Variants in ATP8A2 observed in about 807,000 individuals in gnomAD.
The protein encoded by ATP8A2 is phospholipid-transporting ATPase IB.
Under a neutral mutation model 165.6 loss-of-function variants are expected in ATP8A2, and 100 were observed. That is an observed-to-expected ratio of 0.60 (90% CI 0.51 to 0.71). ATP8A2 has a LOEUF of 0.71. ATP8A2 is among the 30% of genes least tolerant of loss of function. ATP8A2 has a pLI of 0.00. For missense variants in ATP8A2, 1,227 were observed against 1,479.5 expected (o/e 0.83, Z 2.80); for synonymous variants, 543 against 548.8 (o/e 0.99, Z 0.15).
chr13:25,552,573 T>TA (rs1457917575), intron 11 of ATP8A2, among the ~76,000 whole-genome samples: 2 of 152,214 alleles, frequency 1.3e-5, no homozygotes, highest in Non-Finnish European at 2.9e-5. Flanking sequence ...GGATTTTAAT[T>TA]ACTGTCTGGT....
intron 25 of ATP8A2, among the ~76,000 whole-genome samples, chr13:25,712,593 CATAAGGG>C (rs1469172544): frequency 6.6e-6 from 1 of 152,114 alleles, no homozygotes; most frequent in Non-Finnish European, 1.5e-5. Flanking sequence ...TTGCTGAAAC[CATAAGGG>C]ACTAGATGAT....
At chr13:25,769,724 T>C (rs1359277419) in intron 26 of ATP8A2, among the ~76,000 whole-genome samples, 5 of 152,118 alleles carry the variant, frequency 3.3e-5, no homozygotes, top group African/African-American at 1.2e-4. Context: ...TCTGTAGTTA[T>C]GAGAGGGGTG....
At chr13:25,871,921 T>C (rs185197041) in intron 33 of ATP8A2, among the ~76,000 whole-genome samples, 53 of 152,312 alleles carry the variant, frequency 3.5e-4, no homozygotes, top group African/African-American at 1.3e-3. Flanking sequence ...TATTTAAATG[T>C]GCAGAGTGCT....
At chr13:25,801,444 A>G (rs1311365444) in intron 27 of ATP8A2, among the ~76,000 whole-genome samples, 34 of 152,140 alleles carry the variant, frequency 2.2e-4, no homozygotes, top group Admixed American at 2.2e-3. Context: ...TCATACAGGT[A>G]AATGTGAGCC....
chr13:25,425,143 C>T (rs2034408291), intron 1 of ATP8A2, among the ~76,000 whole-genome samples: 1 of 152,180 alleles, frequency 6.6e-6, no homozygotes, highest in Non-Finnish European at 1.5e-5. Flanking sequence ...CTGAAGTACA[C>T]ACCCTGAAAT....
intron 35 of ATP8A2, among the ~76,000 whole-genome samples, chr13:26,005,601 G>C (rs1419689260): frequency 6.6e-6 from 1 of 151,784 alleles, no homozygotes; most frequent in Admixed American, 6.6e-5. Flanking sequence ...GATTGCTTTT[G>C]CTGCAACCCA....
At chr13:25,669,226 T>A (rs762152268) in intron 24 of ATP8A2, among the ~76,000 whole-genome samples, 9 of 152,182 alleles carry the variant, frequency 5.9e-5, no homozygotes, top group Non-Finnish European at 1.0e-4. Flanking sequence ...CTGCCATCTG[T>A]TTAGTGATTT....
intron 24 of ATP8A2, among the ~76,000 whole-genome samples, chr13:25,633,150 G>A (rs2041285535): frequency 6.6e-6 from 1 of 152,168 alleles, no homozygotes; most frequent in South Asian, 2.1e-4. Flanking sequence ...TGAGCTTGGT[G>A]ATATCCTTTA....
chr13:25,822,724 T>G (rs1951213669), intron 27 of ATP8A2, among the ~76,000 whole-genome samples: 1 of 152,160 alleles, frequency 6.6e-6, no homozygotes, highest in Non-Finnish European at 1.5e-5. Flanking sequence ...CTTTCAACTT[T>G]GTTAATATTT....
At chr13:25,444,191 G>A (rs568183920) in intron 1 of ATP8A2, among the ~76,000 whole-genome samples, 2 of 152,290 alleles carry the variant, frequency 1.3e-5, no homozygotes, top group South Asian at 4.1e-4. Flanking sequence ...TGTACAGTAT[G>A]CACTTTTTTG....
At chr13:25,870,987 T>C (rs1295006033) in intron 33 of ATP8A2, among the ~76,000 whole-genome samples, 1 of 152,180 alleles carries the variant, frequency 6.6e-6, no homozygotes, top group East Asian at 1.9e-4. Context: ...CCTCATTTTT[T>C]TAGTCCTTGT....
intron 35 of ATP8A2, among the ~76,000 whole-genome samples, chr13:25,990,261 T>TAA (rs3056351): frequency 0.37 from 39,777 of 107,964 alleles, 7,604 homozygotes; most frequent in African/African-American, 0.56. Context: ...CATGTAACTG[T>TAA]AAAAAAAAAA....
chr13:25,628,773 A>G (rs1367571287), intron 24 of ATP8A2, among the ~76,000 whole-genome samples: 1 of 152,196 alleles, frequency 6.6e-6, no homozygotes, highest in Admixed American at 6.6e-5. Context: ...GTCATGATAG[A>G]TTAGGGCCCA....
intron 14 of ATP8A2, 127 bp from the exon 15 acceptor site, chr13:25,559,594 C>G (rs2039081610): frequency 4.1e-6 from 3 of 738,344 alleles, no homozygotes; most frequent in Non-Finnish European, 7.0e-6. Flanking sequence ...CAAATATTAA[C>G]TTGGTAAGAA....
intron 25 of ATP8A2, among the ~76,000 whole-genome samples, chr13:25,732,822 T>A (rs79016072): frequency 0.097 from 14,813 of 152,264 alleles, 981 homozygotes; most frequent in East Asian, 0.26. Flanking sequence ...CCTGTATTAT[T>A]GCTTTTTTTT....
intron 25 of ATP8A2, among the ~76,000 whole-genome samples, chr13:25,749,580 G>C (rs1338490500): frequency 6.6e-6 from 1 of 152,148 alleles, no homozygotes; most frequent in East Asian, 1.9e-4. Flanking sequence ...TGCTCGGTGG[G>C]GGCAGTCAGA....
At chr13:25,910,249 T>C (rs13378141) in intron 33 of ATP8A2, among the ~76,000 whole-genome samples, 3 of 152,232 alleles carry the variant, frequency 2.0e-5, no homozygotes, top group African/African-American at 7.2e-5. Context: ...CATAATGGAA[T>C]AATACTTGAA....
chr13:25,700,263 A>G (rs540199249), intron 25 of ATP8A2, among the ~76,000 whole-genome samples: 1 of 152,314 alleles, frequency 6.6e-6, no homozygotes, highest in South Asian at 2.1e-4. Flanking sequence ...GAATAGCTTG[A>G]TTGTGATACA....
chr13:25,610,733 T>G (rs1282244121), intron 24 of ATP8A2, among the ~76,000 whole-genome samples: 1 of 151,960 alleles, frequency 6.6e-6, no homozygotes, highest in Non-Finnish European at 1.5e-5. Context: ...GTGGGATGTA[T>G]TTCCATTTGT....
Sources: allele counts gnomAD v4.1 joint callset (sites outside exome capture counted in the v4.1 genomes callset), GRCh38; gene constraint gnomAD v4.1.1; transcripts MANE v1.5; gene names NCBI Gene and HGNC (gene_info 2026-07-23, HGNC 2026-07-21).